TEKTL1: variants seen among roughly 807,000 people sequenced by gnomAD.
TEKTL1 encodes tektin-like protein 1.
At chr19:15,015,499 C>T in the TEKTL1 span, among the ~76,000 whole-genome samples, 1 of 151,926 alleles carries the variant, frequency 6.6e-6, no homozygotes. Context: ...CAAAGGGAAC[C>T]TCTCTCATTT....
chr19:15,015,054 G>T, the TEKTL1 span, among the ~76,000 whole-genome samples: 2 of 152,166 alleles, frequency 1.3e-5, no homozygotes, highest in Non-Finnish European at 2.9e-5. Context: ...GCCAGGCACA[G>T]TTGCAAGTGC....
chr19:15,013,597 T>A, the TEKTL1 span: 4 of 1,160,800 alleles, frequency 3.4e-6, no homozygotes, highest in Non-Finnish European at 5.0e-6. Flanking sequence ...TGGCAAACCC[T>A]CTACCACCCT....
the TEKTL1 span, chr19:15,010,848 C>G: frequency 2.1e-3 from 3,283 of 1,545,576 alleles, 80 homozygotes; most frequent in Admixed American, 0.051. Context: ...GTACCCCCGG[C>G]TGAGCGCAGC....
chr19:15,022,037 C>A, the TEKTL1 span: 1 of 782,930 alleles, frequency 1.3e-6, no homozygotes, highest in Non-Finnish European at 2.0e-6. Flanking sequence ...TGTCCTTCAA[C>A]TCCTGCCACG....
At chr19:15,011,274 G>T in the TEKTL1 span, 2 of 1,521,378 alleles carry the variant, frequency 1.3e-6, no homozygotes, top group South Asian at 2.5e-5. Context: ...ATTAACGGGC[G>T]GGTGCGACAG....
At chr19:15,015,613 T>G in the TEKTL1 span, among the ~76,000 whole-genome samples, 1 of 152,204 alleles carries the variant, frequency 6.6e-6, no homozygotes, top group Non-Finnish European at 1.5e-5. Flanking sequence ...GGGAGAATTA[T>G]TCTTTCATGG....
chr19:15,015,359 A>G, the TEKTL1 span, among the ~76,000 whole-genome samples: 1 of 152,228 alleles, frequency 6.6e-6, no homozygotes, highest in Admixed American at 6.5e-5. Context: ...AACCTTTCCC[A>G]GATACCTCGC....
the TEKTL1 span, chr19:15,020,743 C>A: frequency 8.4e-7 from 1 of 1,197,490 alleles, no homozygotes; most frequent in Non-Finnish European, 1.2e-6. Context: ...ACTTAGCTGT[C>A]CCTTTCCTGG....
At chr19:15,018,196 A>G in the TEKTL1 span, among the ~76,000 whole-genome samples, 1 of 152,156 alleles carries the variant, frequency 6.6e-6, no homozygotes, top group African/African-American at 2.4e-5. Context: ...CTACTAAAAA[A>G]TACAAAAATT....
At chr19:15,021,906 C>T in the TEKTL1 span, 9 of 1,613,234 alleles carry the variant, frequency 5.6e-6, no homozygotes, top group Admixed American at 1.7e-5. Flanking sequence ...CCGGAGGCTG[C>T]GCGCCTCGCA....
chr19:15,018,527 A>G, the TEKTL1 span, among the ~76,000 whole-genome samples: 70 of 150,968 alleles, frequency 4.6e-4, no homozygotes, highest in African/African-American at 1.6e-3. Flanking sequence ...TGGACAACAT[A>G]GTAAGACCGC....
chr19:15,012,989 C>G, the TEKTL1 span, among the ~76,000 whole-genome samples: 1 of 152,032 alleles, frequency 6.6e-6, no homozygotes, highest in Non-Finnish European at 1.5e-5. Flanking sequence ...AAATCTCCAC[C>G]CCCAGGCCTC....
chr19:15,018,363 A>G, the TEKTL1 span, among the ~76,000 whole-genome samples: 2 of 152,040 alleles, frequency 1.3e-5, no homozygotes, highest in South Asian at 2.1e-4. Flanking sequence ...CCTGATTATT[A>G]TGCACAGTAC....
At chr19:15,021,259 C>T in the TEKTL1 span, 1 of 1,507,756 alleles carries the variant, frequency 6.6e-7, no homozygotes, top group Non-Finnish European at 8.9e-7. Context: ...AACCCCCTCG[C>T]CCAGGGCCCA....
chr19:15,013,927 A>G, the TEKTL1 span: 1 of 611,188 alleles, frequency 1.6e-6, no homozygotes, highest in East Asian at 2.8e-5. Context: ...TGTGAAATGG[A>G]AAAAGGGAGG....
chr19:15,020,707 T>G, the TEKTL1 span: 1 of 1,517,754 alleles, frequency 6.6e-7, no homozygotes, highest in East Asian at 2.4e-5. Flanking sequence ...CCAGATCCCC[T>G]TGACTGTCAG....
chr19:15,018,715 A>AATATATATATATATATATATATATAT, the TEKTL1 span, among the ~76,000 whole-genome samples: 1,542 of 68,046 alleles, frequency 0.023, 382 homozygotes, highest in Non-Finnish European at 0.036. Flanking sequence ...CCTATCTCAA[A>AATATATATATATATATATATATATAT]ATATGTATAT....
chr19:15,012,683 T>C, the TEKTL1 span, among the ~76,000 whole-genome samples: 6 of 151,376 alleles, frequency 4.0e-5, no homozygotes, highest in Admixed American at 2.6e-4. Flanking sequence ...AGGAGAAAAT[T>C]ATCCAAATCT....
At chr19:15,020,725 C>G in the TEKTL1 span, 4 of 1,386,744 alleles carry the variant, frequency 2.9e-6, no homozygotes, top group South Asian at 3.8e-5. Context: ...CAGTGCAGCC[C>G]GTCGCCCACT....
Sources: allele counts gnomAD v4.1 joint callset (sites outside exome capture counted in the v4.1 genomes callset), GRCh38; gene constraint gnomAD v4.1.1; transcripts MANE v1.5; gene names NCBI Gene and HGNC (gene_info 2026-07-23, HGNC 2026-07-21).